FRMD4B: variants seen among roughly 807,000 people sequenced by gnomAD.
FRMD4B encodes FERM domain-containing protein 4B.
In FRMD4B, 74 loss-of-function variants were observed where a neutral mutation model predicts 141.5. The ratio of observed to expected loss-of-function variants is 0.52; its 90% CI spans 0.43 to 0.63. FRMD4B has a LOEUF of 0.63. Ranked by LOEUF, FRMD4B falls within the 30% of genes least tolerant of loss-of-function variation. The pLI, the probability that FRMD4B is intolerant of heterozygous loss-of-function variation, is 0.00. For missense variants in FRMD4B, 1,366 were observed against 1,253.4 expected (o/e 1.09, Z -1.36); for synonymous variants, 506 against 467.9 (o/e 1.08, Z -1.05).
chr3:69,488,815 C>T (rs1014142400), intron 1 of FRMD4B, among the ~76,000 whole-genome samples: 3 of 146,372 alleles, frequency 2.0e-5, no homozygotes, highest in Non-Finnish European at 4.4e-5. Context: ...ATCACTCGAA[C>T]CCAGAAGGCA....
chr3:69,363,958 C>CT (rs1703557142), intron 1 of FRMD4B, among the ~76,000 whole-genome samples: 2 of 152,294 alleles, frequency 1.3e-5, no homozygotes, highest in Admixed American at 1.3e-4. Flanking sequence ...CACACAAACA[C>CT]TATCATTTTC....
chr3:69,429,444 C>A (rs1705141326), intron 2 of FRMD4B, among the ~76,000 whole-genome samples: 2 of 152,046 alleles, frequency 1.3e-5, no homozygotes, highest in African/African-American at 4.8e-5. Flanking sequence ...TTTGTCCTTG[C>A]CAGTCTCATA....
In FRMD4B at chr3:69,193,720, T is replaced by C. The variant is rs781700203; in HGVS notation, c.1642A>G (p.Ile548Val). 2 of 1,613,866 alleles carry C rather than the reference T, an allele frequency of 1.2e-6. No homozygotes were observed. The highest frequency in any genetic ancestry group is 1.7e-6 in the Non-Finnish European group (2 of 1,179,754). Residue 548 changes from isoleucine to valine, a missense_variant, in exon 17 of 23, where the codon ATT (isoleucine) becomes GTT (valine). Physicochemically the swap from Ile to Val is conservative, Grantham distance 29 (BLOSUM62 3). Coordinates refer to ENST00000398540, the MANE Select transcript of FRMD4B (RefSeq NM_015123.3). ...CGGTATTCGTTTATTGCATTTTCAA[T>C]CTCCTGAAGCTTTTTCATCGCATCT... ...YTDAMKKLQE[I>V]ENAINEYRIR...
At chr3:69,537,218 G>A (rs145840776) in intron 1 of FRMD4B, among the ~76,000 whole-genome samples, 2 of 152,248 alleles carry the variant, frequency 1.3e-5, no homozygotes, top group African/African-American at 4.8e-5. Context: ...TGCTTCTAGG[G>A]CCCCTCTGCT....
At chr3:69,540,019 C>G (rs1445668621) in intron 1 of FRMD4B, among the ~76,000 whole-genome samples, 1 of 151,918 alleles carries the variant, frequency 6.6e-6, no homozygotes, top group African/African-American at 2.4e-5. Flanking sequence ...ATGGTGAAAC[C>G]CGGTCTCTAC....
At chr3:69,349,149 T>A (rs1180431332) in intron 1 of FRMD4B, among the ~76,000 whole-genome samples, 3 of 152,148 alleles carry the variant, frequency 2.0e-5, no homozygotes, top group East Asian at 1.9e-4. Context: ...ATCAATGTGC[T>A]AAAATCACAA....
intron 1 of FRMD4B, among the ~76,000 whole-genome samples, chr3:69,474,788 G>A (rs1366210496): frequency 6.6e-6 from 1 of 152,114 alleles, no homozygotes; most frequent in Non-Finnish European, 1.5e-5. Flanking sequence ...AGATAGACAG[G>A]GTTCCTGCCT....
At chr3:69,256,767 C>CT in intron 5 of FRMD4B, among the ~76,000 whole-genome samples, 1 of 152,282 alleles carries the variant, frequency 6.6e-6, no homozygotes, top group South Asian at 2.1e-4. Context: ...TTACTCTGCC[C>CT]CCTAGAAAGC....
chr3:69,470,783 C>T (rs758164367), intron 1 of FRMD4B, among the ~76,000 whole-genome samples: 5 of 151,956 alleles, frequency 3.3e-5, no homozygotes, highest in Non-Finnish European at 7.4e-5. Context: ...CCTAGCTTTT[C>T]GAATCTGTTT....
intron 22 of FRMD4B, 104 bp from the exon 23 acceptor site, chr3:69,172,085 A>G (rs2092593719): frequency 7.1e-6 from 7 of 988,114 alleles, no homozygotes; most frequent in Non-Finnish European, 1.1e-5. Flanking sequence ...ACTGTTAAGA[A>G]AAATTTCCCA....
At chr3:69,281,941 A>G (rs1314876118) in intron 5 of FRMD4B, among the ~76,000 whole-genome samples, 4 of 151,960 alleles carry the variant, frequency 2.6e-5, no homozygotes, top group Non-Finnish European at 5.9e-5. Flanking sequence ...ACGAGGCACA[A>G]TTGTTTCTTT....
chr3:69,305,635 T>C (rs1001393487), intron 3 of FRMD4B, among the ~76,000 whole-genome samples: 3 of 152,196 alleles, frequency 2.0e-5, no homozygotes, highest in African/African-American at 7.2e-5. Context: ...ACACCTGTAA[T>C]CTCAGCATTT....
At chr3:69,535,910 T>A (rs1376658562) in intron 1 of FRMD4B, 4 of 405,150 alleles carry the variant, frequency 9.9e-6, no homozygotes, top group Admixed American at 3.0e-5. Context: ...TGACAGTGGG[T>A]TTTGAACTCT....
At chr3:69,442,397 A>G (rs75788938) in intron 1 of FRMD4B, among the ~76,000 whole-genome samples, 3,160 of 152,162 alleles carry the variant, frequency 0.021, 118 homozygotes, top group African/African-American at 0.071. Context: ...GTTTTATTCT[A>G]TTGAAAAATT....
At chr3:69,293,681 G>C (rs1241914019) in intron 4 of FRMD4B, among the ~76,000 whole-genome samples, 2 of 151,902 alleles carry the variant, frequency 1.3e-5, no homozygotes, top group Non-Finnish European at 2.9e-5. Context: ...AGGAGTTCGA[G>C]ACCAGCCTGG....
intron 2 of FRMD4B, among the ~76,000 whole-genome samples, chr3:69,424,200 C>T (rs941695971): frequency 4.6e-5 from 7 of 152,162 alleles, no homozygotes; most frequent in African/African-American, 1.7e-4. Context: ...AGCAGCATAA[C>T]TTATTTCCCC....
intron 4 of FRMD4B, among the ~76,000 whole-genome samples, chr3:69,300,679 C>T (rs1196131862): frequency 6.6e-6 from 1 of 152,224 alleles, no homozygotes; most frequent in African/African-American, 2.4e-5. Context: ...AAACACTACA[C>T]CACATGCACA....
chr3:69,301,491 A>T (rs1701217112), intron 4 of FRMD4B, among the ~76,000 whole-genome samples: 2 of 151,448 alleles, frequency 1.3e-5, no homozygotes, highest in South Asian at 4.2e-4. Flanking sequence ...AGTTCAGCTA[A>T]TTTTTTTTGT....
chr3:69,468,605 C>T (rs1394070823), intron 1 of FRMD4B, among the ~76,000 whole-genome samples: 1 of 152,144 alleles, frequency 6.6e-6, no homozygotes, highest in African/African-American at 2.4e-5. Flanking sequence ...ATTTTCTGCT[C>T]TTAAGGAGCA....
Sources: allele counts gnomAD v4.1 joint callset (sites outside exome capture counted in the v4.1 genomes callset), GRCh38; gene constraint gnomAD v4.1.1; transcripts MANE v1.5; gene names NCBI Gene and HGNC (gene_info 2026-07-23, HGNC 2026-07-21).